STRBP: variants seen among roughly 807,000 people sequenced by gnomAD.
STRBP encodes the protein spermatid perinuclear RNA binding protein, also known as spermatid perinuclear RNA-binding protein.
In STRBP, 13 loss-of-function variants were observed where a neutral mutation model predicts 80.1. That is an observed-to-expected ratio of 0.16 (90% CI 0.11 to 0.26). The LOEUF (loss-of-function observed/expected upper bound fraction) is 0.26, where lower values mean the gene tolerates loss of function less well. STRBP is among the 10% of genes least tolerant of loss of function. The pLI is 1.00. For synonymous variants in STRBP, 284 were observed against 291.2 expected, an observed-to-expected ratio of 0.98 and a Z score of 0.25; for missense variants, 485 against 815.2, an observed-to-expected ratio of 0.59 and a Z score of 4.93.
chr9:123,200,502 G>C (rs1422536650), intron 2 of STRBP, among the ~76,000 whole-genome samples: 1 of 151,594 alleles, frequency 6.6e-6, no homozygotes, highest in African/African-American at 2.4e-5. Flanking sequence ...CCAAGTCTCT[G>C]AATGTCTGGT....
intron 1 of STRBP, among the ~76,000 whole-genome samples, chr9:123,247,915 A>G (rs1411733930): frequency 6.6e-6 from 1 of 152,232 alleles, no homozygotes; most frequent in Admixed American, 6.5e-5. Flanking sequence ...AGTTGAAAAA[A>G]ACAACAATAA....
downstream of STRBP, among the ~76,000 whole-genome samples, chr9:123,120,053 AG>A (rs1047475997): frequency 9.2e-5 from 14 of 152,190 alleles, no homozygotes; most frequent in Admixed American, 6.5e-4. Context: ...GACTTAAAAC[AG>A]TCTTTTGGGA....
chr9:123,138,357 T>A (rs2036448882), intron 14 of STRBP, among the ~76,000 whole-genome samples: 1 of 152,260 alleles, frequency 6.6e-6, no homozygotes, highest in Non-Finnish European at 1.5e-5. Flanking sequence ...CAGCCAGCCA[T>A]GACATCATCT....
At chr9:123,209,341 A>G (rs1444344683) in intron 2 of STRBP, among the ~76,000 whole-genome samples, 1 of 152,230 alleles carries the variant, frequency 6.6e-6, no homozygotes. Context: ...CTAAGCATCT[A>G]CAAATACCAG....
At chr9:123,162,977 G>T (rs1299265627) in intron 6 of STRBP, among the ~76,000 whole-genome samples, 1 of 152,156 alleles carries the variant, frequency 6.6e-6, no homozygotes, top group African/African-American at 2.4e-5. Flanking sequence ...GTAAATGAAT[G>T]TTTACATTCT....
intron 1 of STRBP, among the ~76,000 whole-genome samples, chr9:123,249,669 TTTAAA>T (rs2040871549): frequency 6.6e-6 from 1 of 152,182 alleles, no homozygotes; most frequent in Non-Finnish European, 1.5e-5. Context: ...TAAATCTGTT[TTTAAA>T]TTATTTTTAA....
At chr9:123,256,194 G>A (rs1412335746) in intron 1 of STRBP, among the ~76,000 whole-genome samples, 1 of 151,448 alleles carries the variant, frequency 6.6e-6, no homozygotes, top group Non-Finnish European at 1.5e-5. Context: ...CAGCTACTTT[G>A]TTTCTATAAA....
chr9:123,144,864 C>T (rs140688535), intron 13 of STRBP, among the ~76,000 whole-genome samples: 31 of 152,284 alleles, frequency 2.0e-4, no homozygotes, highest in Middle Eastern at 3.4e-3. Flanking sequence ...CTGCAGGCCA[C>T]TTAAGACTGA....
rs1253504072 is a variant in STRBP at position 123,110,715 on chromosome 9, C to T, written c.*85-962G>A. On this transcript the variant is annotated intron_variant and NMD_transcript_variant, in intron 3 of 3. Transcript: ENST00000471564. The surrounding 1 kb of genome is among the most constrained non-coding windows in gnomAD (Gnocchi z 4.1). Reference sequence around the variant, plus strand: ...CAGCTCCTCAGAGAGCCAGAGCTACCCTTGGTTCCTGGGAGATGGAGAGAG... The same window carrying T: ...CAGCTCCTCAGAGAGCCAGAGCTACTCTTGGTTCCTGGGAGATGGAGAGAG... 1 of 169,172 alleles carries T rather than the reference C, an allele frequency of 5.9e-6. No homozygotes were observed. The highest frequency in any genetic ancestry group is 1.9e-4 in the East Asian group (1 of 5,198). The allele number at this position is 169,172 out of a possible 1,614,324, so 10.5% of individuals were successfully genotyped here.
intron 4 of STRBP, among the ~76,000 whole-genome samples, chr9:123,178,766 CT>C (rs965921427): frequency 7.2e-5 from 11 of 152,234 alleles, no homozygotes; most frequent in Admixed American, 2.0e-4. Context: ...ACTTGGTGTT[CT>C]CTCAAAAGGG....
chr9:123,170,322 A>C (rs2037954398), intron 5 of STRBP, among the ~76,000 whole-genome samples: 1 of 152,222 alleles, frequency 6.6e-6, no homozygotes, highest in Admixed American at 6.5e-5. Context: ...CTAATATTTG[A>C]AAGTAAAATG....
At chr9:123,184,671 C>A (rs2038623981) in intron 2 of STRBP, among the ~76,000 whole-genome samples, 2 of 152,220 alleles carry the variant, frequency 1.3e-5, no homozygotes, top group African/African-American at 4.8e-5. Context: ...TCAGACCCAT[C>A]TGAAAATTCA....
In STRBP at chr9:123,184,264, AGCAAATGTCTGAAG is replaced by A; in HGVS notation, c.-144_-131del. 1 of 795,252 alleles carries A rather than the reference AGCAAATGTCTGAAG, an allele frequency of 1.3e-6. No homozygotes were observed. Among genetic ancestry groups the A allele is most frequent in the Non-Finnish European group, 2.0e-6 (1 of 506,582 alleles). The allele number at this position is 795,252 out of a possible 1,614,324, so 49.3% of individuals were successfully genotyped here. A position where few individuals can be genotyped will look rare whatever the true frequency, so the allele number is the denominator to read the frequency against. The stretch of plus-strand genomic sequence containing the variant: ...TCCCCTGACAGCTCAGCGTCAATAT[AGCAAATGTCTGAAG>A]GCTTGTTCTCTGGAACACACCTGCA... On this transcript the variant is annotated 5_prime_UTR_variant, in exon 3 of 19. Transcript: ENST00000348403.
In STRBP at chr9:123,122,312, C is replaced by T; in HGVS notation, c.*3285G>A. On this transcript the variant is annotated 3_prime_UTR_variant, in exon 19 of 19. Coordinates refer to ENST00000348403, the MANE Select transcript of STRBP (RefSeq NM_018387.5). ...AGTGAGATAAACGTGCTGAAAACTGCTTAAAAGTATTAACCTGAAATACAC... is the reference window on the plus strand; with the variant it reads ...AGTGAGATAAACGTGCTGAAAACTGTTTAAAAGTATTAACCTGAAATACAC... 1 of 1,288,374 alleles carries T rather than the reference C, an allele frequency of 7.8e-7. No homozygotes were observed. The highest frequency in any genetic ancestry group is 1.0e-6 in the Non-Finnish European group (1 of 988,194). 79.8% of individuals were successfully genotyped at this position (1,288,374 alleles called of 1,614,324 possible). A position where few individuals can be genotyped will look rare whatever the true frequency, so the allele number is the denominator to read the frequency against.
chr9:123,168,742 G>C (rs775414921), intron 6 of STRBP, among the ~76,000 whole-genome samples: 1 of 152,146 alleles, frequency 6.6e-6, no homozygotes, highest in Non-Finnish European at 1.5e-5. Flanking sequence ...TAGCCAGCTG[G>C]TCAAAGGTTT....
At chr9:123,249,872 A>G (rs1317062432) in intron 1 of STRBP, among the ~76,000 whole-genome samples, 1 of 152,192 alleles carries the variant, frequency 6.6e-6, no homozygotes, top group Non-Finnish European at 1.5e-5. Flanking sequence ...TTCTTTCCAG[A>G]GTACAGAGTT....
intron 2 of STRBP, among the ~76,000 whole-genome samples, chr9:123,229,631 G>A (rs2040343145): frequency 6.6e-6 from 1 of 152,234 alleles, no homozygotes; most frequent in Admixed American, 6.5e-5. Flanking sequence ...ATACACAAGT[G>A]AAGAGCTTGT....
intron 11 of STRBP, among the ~76,000 whole-genome samples, chr9:123,156,693 A>G (rs868546324): frequency 6.6e-6 from 1 of 150,806 alleles, no homozygotes; most frequent in Non-Finnish European, 1.5e-5. Flanking sequence ...AAAAAAAAAA[A>G]CCCCTTAATA....
intron 2 of STRBP, among the ~76,000 whole-genome samples, chr9:123,216,891 A>G (rs2039916901): frequency 1.3e-5 from 2 of 152,172 alleles, no homozygotes; most frequent in South Asian, 4.2e-4. Flanking sequence ...ACAAACTGAA[A>G]CTCAGTTAAG....
Sources: allele counts gnomAD v4.1 joint callset (sites outside exome capture counted in the v4.1 genomes callset), GRCh38; gene constraint gnomAD v4.1.1; non-coding constraint Gnocchi (gnomAD v3.1); transcripts MANE v1.5; gene names NCBI Gene and HGNC (gene_info 2026-07-23, HGNC 2026-07-21).